EYS: variants seen among roughly 807,000 people sequenced by gnomAD.
The protein encoded by EYS is EGF-like photoreceptor maintenance factor, also known as protein eyes shut homolog.
In EYS, 250 loss-of-function variants were observed where a neutral mutation model predicts 282.1. That is an observed-to-expected ratio of 0.89 (90% confidence interval 0.80 to 0.98). EYS has a LOEUF of 0.98. Among genes scored for constraint, EYS ranks in the 50% least tolerant of loss-of-function variants. The probability of loss-of-function intolerance (pLI) is 0.00; values close to 1 mark genes in which losing one functional copy is unlikely to be tolerated. For missense variants in EYS, 4,016 were observed against 3,709.0 expected (o/e 1.08, Z -2.15); for synonymous variants, 1,355 against 1,282.9 (o/e 1.06, Z -1.20).
chr6:64,220,410 C>A (rs1189511800), intron 31 of EYS, among the ~76,000 whole-genome samples: 1 of 152,108 alleles, frequency 6.6e-6, no homozygotes, highest in African/African-American at 2.4e-5. Context: ...CCTTCTTGGG[C>A]AGCTGCTTTC....
rs567564664 is a variant in EYS, at chr6:65,279,956, T to A, written c.2023+15907A>T. Among the ~76,000 whole-genome samples the A allele has an allele frequency of 2.6e-5, 4 of 152,316 alleles. No individual in the cohort carries two copies. The East Asian group carries it at 7.7e-4, about 29-fold the overall frequency. Reference sequence around the variant, plus strand: ...TAGGAGACAATCTCTGAATAATGAATACCTCAGGAAAGGAGGCTTTCCTAG... The same window carrying A: ...TAGGAGACAATCTCTGAATAATGAAAACCTCAGGAAAGGAGGCTTTCCTAG... On this transcript the variant is annotated intron_variant, in intron 12 of 42. Transcript: ENST00000503581.
intron 31 of EYS, among the ~76,000 whole-genome samples, chr6:64,105,088 A>G (rs1047175527): frequency 6.6e-6 from 1 of 151,914 alleles, no homozygotes; most frequent in African/African-American, 2.4e-5. Context: ...GAGGATGAAG[A>G]GGAGAACTAG....
intron 13 of EYS, among the ~76,000 whole-genome samples, chr6:65,024,969 C>G (rs978739298): frequency 2.6e-5 from 4 of 152,106 alleles, no homozygotes; most frequent in African/African-American, 7.2e-5. Context: ...AAAATTGAAT[C>G]AAATAGAAGC....
chr6:63,907,781 C>G (rs183730128), intron 35 of EYS, among the ~76,000 whole-genome samples: 1 of 152,016 alleles, frequency 6.6e-6, no homozygotes, highest in East Asian at 1.9e-4. Context: ...ACCTTCCACC[C>G]TTCTGCAGCT....
At chr6:64,666,451 A>G (rs989973349) in intron 22 of EYS, among the ~76,000 whole-genome samples, 3 of 152,148 alleles carry the variant, frequency 2.0e-5, no homozygotes, top group Admixed American at 2.0e-4. Flanking sequence ...TCTCTCCTTG[A>G]AGTTAATTCT....
intron 22 of EYS, among the ~76,000 whole-genome samples, chr6:64,706,284 C>T (rs1421595912): frequency 1.3e-5 from 2 of 152,148 alleles, no homozygotes; most frequent in Non-Finnish European, 2.9e-5. Flanking sequence ...ATGCGTGAAA[C>T]TGGATCCTCA....
At chr6:65,523,996 C>G (rs1403052355) in intron 2 of EYS, among the ~76,000 whole-genome samples, 1 of 152,172 alleles carries the variant, frequency 6.6e-6, no homozygotes, top group Non-Finnish European at 1.5e-5. Flanking sequence ...CTCAGCCTCC[C>G]GAGTAGCTGG....
At chr6:64,358,714 G>C (rs770141189) in intron 29 of EYS, among the ~76,000 whole-genome samples, 3 of 151,634 alleles carry the variant, frequency 2.0e-5, no homozygotes, top group Non-Finnish European at 4.4e-5. Flanking sequence ...GGGTCATGTT[G>C]AGTTGAGACA....
At chr6:63,788,970 T>G (rs931557874) in intron 38 of EYS, 88 bp downstream of exon 38, 187 of 1,338,044 alleles carry the variant, frequency 1.4e-4, no homozygotes, top group Admixed American at 2.1e-4. Flanking sequence ...GTAGGCATCA[T>G]GGGCTATTCA....
intron 1 of EYS, among the ~76,000 whole-genome samples, chr6:65,684,671 G>A (rs1326267018): frequency 2.0e-5 from 3 of 151,888 alleles, no homozygotes; most frequent in Non-Finnish European, 4.4e-5. Flanking sequence ...AGGAGAGAAG[G>A]GTCAGCAGTT....
At chr6:63,806,054 C>T (rs946524962) in intron 37 of EYS, 136 bp downstream of exon 37, 2 of 706,376 alleles carry the variant, frequency 2.8e-6, no homozygotes, top group African/African-American at 3.6e-5. Flanking sequence ...CGAACATGCT[C>T]AAGGCAGAAA....
chr6:65,285,300 TG>T (rs1286102784), intron 12 of EYS, among the ~76,000 whole-genome samples: 2 of 152,002 alleles, frequency 1.3e-5, no homozygotes, highest in African/African-American at 4.8e-5. Flanking sequence ...CTATTTTCCA[TG>T]GAATTTAAAT....
chr6:64,063,658 G>C (rs1004130848), intron 33 of EYS, among the ~76,000 whole-genome samples: 8 of 152,090 alleles, frequency 5.3e-5, no homozygotes, highest in Non-Finnish European at 1.2e-4. Context: ...CTGCTTCTCT[G>C]TTCAAAACAC....
intron 41 of EYS, among the ~76,000 whole-genome samples, chr6:63,735,813 C>T (rs1042524360): frequency 6.6e-6 from 1 of 151,718 alleles, no homozygotes; most frequent in African/African-American, 2.4e-5. Flanking sequence ...CATATTTCTT[C>T]AATCTGGAAC....
chr6:64,622,542 G>A (rs1767477930), intron 23 of EYS, among the ~76,000 whole-genome samples: 1 of 152,098 alleles, frequency 6.6e-6, no homozygotes, highest in Admixed American at 6.6e-5. Context: ...GATTCACACA[G>A]CTCTGTTTGT....
At chr6:64,350,838 C>T (rs755587145) in intron 29 of EYS, among the ~76,000 whole-genome samples, 2 of 151,468 alleles carry the variant, frequency 1.3e-5, no homozygotes, top group African/African-American at 4.8e-5. Flanking sequence ...GTGGGAGGGA[C>T]CTCGTGGGAG....
At chr6:65,490,737 A>G (rs374211793) in intron 4 of EYS, 30 bp from the exon 5 acceptor site, 3 of 1,154,054 alleles carry the variant, frequency 2.6e-6, no homozygotes, top group South Asian at 1.2e-5. Context: ...TTTTTTTTAC[A>G]TTGGATATCA....
intron 15 of EYS, among the ~76,000 whole-genome samples, chr6:64,922,006 G>A (rs796315458): frequency 5.3e-5 from 8 of 152,230 alleles, no homozygotes; most frequent in African/African-American, 1.7e-4. Flanking sequence ...ATAAGGCTGG[G>A]CCAATTTTCC....
At chr6:65,543,106 C>T (rs983665213) in intron 2 of EYS, among the ~76,000 whole-genome samples, 6 of 151,942 alleles carry the variant, frequency 3.9e-5, no homozygotes, top group African/African-American at 1.2e-4. Context: ...GCAACATCTG[C>T]CCCCCAGGCT....
Sources: gnomAD v4.1 joint callset for allele counts (sites outside exome capture counted in the v4.1 genomes callset) on GRCh38, gnomAD v4.1.1 for gene constraint, MANE v1.5 for transcripts, NCBI Gene and HGNC (gene_info 2026-07-23, HGNC 2026-07-21) for gene names.